DMD: variants seen among roughly 807,000 people sequenced by gnomAD.
The protein encoded by DMD is dystrophin.
DMD carries 63 observed loss-of-function variants against 330.1 expected under a neutral mutation model. The observed-to-expected ratio is 0.19, with a 90% CI of 0.16 to 0.24. The LOEUF (loss-of-function observed/expected upper bound fraction) is 0.24, where lower values mean the gene tolerates loss of function less well. DMD is among the 10% of genes least tolerant of loss of function. DMD has a pLI of 1.00. For synonymous variants in DMD, 1,223 were observed against 959.8 expected (o/e 1.27, Z -5.07); for missense variants, 3,344 against 2,684.1 (o/e 1.25, Z -5.43).
chrX:31,507,837 T>G (rs2071105073), intron 55 of DMD, among the ~76,000 whole-genome samples: 1 of 112,032 alleles, frequency 8.9e-6, no homozygotes, highest in African/African-American at 3.2e-5. Context: ...ATAATTTCAT[T>G]ACTATATGGA....
Position 32,545,344 on chromosome X carries a change from G to A in DMD, c.1993-10C>T, listed in dbSNP as rs1226290209. On this transcript the variant is annotated splice_polypyrimidine_tract_variant and intron_variant, in intron 16 of 78. Transcript: ENST00000357033. ...TGACAGCCTGTGAAATCTGTGAGAA[G>A]TATTGAAACAGAGGTCAGACATTGC... 8.3e-7 allele frequency: 1 copy of A among 1,207,938 alleles called. No individual in the cohort carries two copies. The highest frequency in any genetic ancestry group is 2.2e-5 in the Admixed American group (1 of 45,964).
chrX:31,847,512 T>C (rs1489232088), intron 48 of DMD, among the ~76,000 whole-genome samples: 2 of 111,926 alleles, frequency 1.8e-5, no homozygotes, highest in African/African-American at 6.5e-5. Flanking sequence ...CTGTAGTAAA[T>C]CCAATTAACT....
At chrX:31,338,397 C>G (rs992456238) in intron 61 of DMD, among the ~76,000 whole-genome samples, 2 of 108,327 alleles carry the variant, frequency 1.8e-5, no homozygotes, top group African/African-American at 3.4e-5. Flanking sequence ...ACCTGGGAGG[C>G]GGAGGTTGCA....
At chrX:32,152,893 G>A (rs1189293117) in intron 44 of DMD, among the ~76,000 whole-genome samples, 1 of 111,812 alleles carries the variant, frequency 8.9e-6, no homozygotes, top group African/African-American at 3.2e-5. Context: ...ACATTAAGAT[G>A]TATTTTATAC....
intron 9 of DMD, among the ~76,000 whole-genome samples, chrX:32,685,211 G>A (rs1045815194): frequency 6.0e-4 from 67 of 111,076 alleles, no homozygotes; most frequent in African/African-American, 2.2e-3. Flanking sequence ...TAATCACCTA[G>A]CTCACCTGAA....
At chrX:31,832,178 C>G (rs1246737967) in intron 49 of DMD, among the ~76,000 whole-genome samples, 1 of 112,037 alleles carries the variant, frequency 8.9e-6, no homozygotes, top group Non-Finnish European at 1.9e-5. Flanking sequence ...TTTATGAAAT[C>G]CAAGTATTGT....
intron 9 of DMD, among the ~76,000 whole-genome samples, chrX:32,668,265 T>C (rs1054031782): frequency 1.8e-5 from 2 of 112,597 alleles, no homozygotes; most frequent in African/African-American, 6.5e-5. Flanking sequence ...TATTTTTGAA[T>C]CACATTTCAT....
intron 16 of DMD, among the ~76,000 whole-genome samples, chrX:32,560,807 T>A (rs914684977): frequency 8.9e-6 from 1 of 112,448 alleles, no homozygotes; most frequent in African/African-American, 3.2e-5. Context: ...CCATGGTGTA[T>A]ATGTATCACA....
intron 52 of DMD, among the ~76,000 whole-genome samples, chrX:31,711,272 A>T (rs1407324687): frequency 1.8e-5 from 2 of 111,172 alleles, no homozygotes; most frequent in Admixed American, 1.9e-4. Flanking sequence ...CTGAAAACAT[A>T]CATCTGCTAA....
At chrX:31,629,642 A>G (rs911940743) in intron 54 of DMD, among the ~76,000 whole-genome samples, 6 of 111,783 alleles carry the variant, frequency 5.4e-5, no homozygotes, top group Middle Eastern at 4.6e-3. Flanking sequence ...GCAAACTATC[A>G]ATGCAAGGAG....
At chrX:31,199,659 C>G (rs1037271143) in intron 67 of DMD, among the ~76,000 whole-genome samples, 11 of 112,190 alleles carry the variant, frequency 9.8e-5, no homozygotes, top group African/African-American at 3.6e-4. Flanking sequence ...GGGCCCTTGT[C>G]TGAATCAGAA....
chrX:33,339,197 T>C (rs1183544020), intron 1 of DMD: 25 of 1,011,521 alleles, frequency 2.5e-5, no homozygotes, highest in Middle Eastern at 5.9e-4. Context: ...TTCAAACATA[T>C]GCTTTGTCAT....
intron 17 of DMD, 50 bp from the exon 18 acceptor site, chrX:32,518,181 C>T: frequency 8.7e-7 from 1 of 1,148,593 alleles, no homozygotes; most frequent in African/African-American, 1.8e-5. Flanking sequence ...TCTCTTTCTT[C>T]TATATTAAAA....
intron 47 of DMD, among the ~76,000 whole-genome samples, chrX:31,926,498 A>T (rs777544808): frequency 1.8e-5 from 2 of 110,032 alleles, no homozygotes; most frequent in Admixed American, 2.0e-4. Context: ...GACATGGCGA[A>T]CCCTCCATCT....
chrX:31,997,810 C>T (rs1204082442), intron 44 of DMD, among the ~76,000 whole-genome samples: 3 of 111,465 alleles, frequency 2.7e-5, no homozygotes, highest in African/African-American at 9.8e-5. Flanking sequence ...TATATTCTTC[C>T]TGCTTTTAAT....
intron 23 of DMD, 131 bp downstream of exon 23, chrX:32,468,367 C>G (rs2040271048): frequency 1.8e-6 from 1 of 568,110 alleles, no homozygotes; most frequent in Admixed American, 3.2e-5. Context: ...AGACTCATGT[C>G]TTTTCATCTT....
chrX:31,998,189 G>A (rs889850686), intron 44 of DMD, among the ~76,000 whole-genome samples: 29 of 111,687 alleles, frequency 2.6e-4, no homozygotes, highest in African/African-American at 8.8e-4. Flanking sequence ...TTTACCCTTT[G>A]GATTTCAAGT....
intron 7 of DMD, among the ~76,000 whole-genome samples, chrX:32,790,224 C>G (rs1001600348): frequency 1.8e-5 from 2 of 111,527 alleles, no homozygotes; most frequent in African/African-American, 6.5e-5. Flanking sequence ...AACAGAGAAG[C>G]AATGAAAACC....
intron 48 of DMD, among the ~76,000 whole-genome samples, chrX:31,845,963 G>C (rs2093419147): frequency 9.0e-6 from 1 of 111,400 alleles, no homozygotes; most frequent in African/African-American, 3.3e-5. Context: ...TATTGTCCCA[G>C]TGATACTTGT....
Sources: gnomAD v4.1 joint callset for allele counts (sites outside exome capture counted in the v4.1 genomes callset) on GRCh38, gnomAD v4.1.1 for gene constraint, MANE v1.5 for transcripts, NCBI Gene and HGNC (gene_info 2026-07-23, HGNC 2026-07-21) for gene names.